Variants in MAML2 observed in about 807,000 individuals in gnomAD.
The protein encoded by MAML2 is mastermind-like protein 2.
In MAML2, 22 loss-of-function variants were observed where a neutral mutation model predicts 96.1. That is an observed-to-expected ratio of 0.23 (90% CI 0.16 to 0.33). The LOEUF (loss-of-function observed/expected upper bound fraction) is 0.33, where lower values mean the gene tolerates loss of function less well. Among genes scored for constraint, MAML2 ranks in the 10% least tolerant of loss-of-function variants. MAML2 has a pLI of 1.00. For synonymous variants in MAML2, 561 were observed against 521.3 expected (o/e 1.08, Z -1.04); for missense variants, 1,367 against 1,392.4 (o/e 0.98, Z 0.29).
chr11:96,077,219 C>CTTTTTTT lies in MAML2; in HGVS notation c.2139+14666_2139+14672dup, dbSNP rs371672772. On this transcript the variant is annotated intron_variant, in intron 2 of 4. Coordinates refer to ENST00000524717, the MANE Select transcript of MAML2 (RefSeq NM_032427.4). ...GACTTTTTACCCCAACTCTCTCTCT[C>CTTTTTTT]TTTTTTTTTTTTTTTTTTTTAAAGA... is the stretch of plus-strand genomic sequence containing the variant. Among the ~76,000 whole-genome samples, 456 of 94,086 alleles carry CTTTTTTT rather than the reference C, an allele frequency of 4.8e-3. 17 individuals carry two copies. The highest frequency in any genetic ancestry group is 6.1e-3 in the Non-Finnish European group (309 of 50,752). 61.7% of individuals were successfully genotyped at this position (94,086 alleles called of 152,430 possible).
At chr11:96,014,158 G>T (rs1858307769) in intron 2 of MAML2, among the ~76,000 whole-genome samples, 1 of 152,160 alleles carries the variant, frequency 6.6e-6, no homozygotes, top group South Asian at 2.1e-4. Flanking sequence ...CTGCGAGGGG[G>T]ACAAGGGAAT....
chr11:96,288,736 A>G (rs912021456), intron 1 of MAML2, among the ~76,000 whole-genome samples: 3 of 152,150 alleles, frequency 2.0e-5, no homozygotes, highest in Admixed American at 6.5e-5. Context: ...GCATTCAAAC[A>G]CTTGTGTATT....
chr11:96,281,976 G>C (rs373890174), intron 1 of MAML2, among the ~76,000 whole-genome samples: 2 of 152,112 alleles, frequency 1.3e-5, no homozygotes, highest in African/African-American at 4.8e-5. Flanking sequence ...TAGGCCAGGC[G>C]CGGTGGCTCA....
At chr11:96,115,007 C>T (rs1453527138) in intron 1 of MAML2, among the ~76,000 whole-genome samples, 1 of 152,148 alleles carries the variant, frequency 6.6e-6, no homozygotes, top group Non-Finnish European at 1.5e-5. Context: ...AAGTACGTTT[C>T]TGCTGAGGTT....
At chr11:96,028,433 C>T (rs1450405067) in intron 2 of MAML2, among the ~76,000 whole-genome samples, 1 of 152,186 alleles carries the variant, frequency 6.6e-6, no homozygotes, top group Non-Finnish European at 1.5e-5. Flanking sequence ...TAAGTGTCCC[C>T]TAATATTGTC....
In MAML2 at chr11:96,066,955, A is replaced by G. The variant is rs542692539; in HGVS notation, c.2139+24937T>C. Among the ~76,000 whole-genome samples, 15 of 152,278 alleles carry G rather than the reference A, an allele frequency of 9.9e-5. No homozygotes were observed. The East Asian group carries it at 2.7e-3, about 27-fold the overall frequency. ...AGGAGCGGCTGGAGGATAGAGAAAT[A>G]GAGAGAGCGGAGGGAGCTGTGGTAG... On this transcript the variant is annotated intron_variant, in intron 2 of 4. Coordinates refer to ENST00000524717, the MANE Select transcript of MAML2 (RefSeq NM_032427.4).
At chr11:96,238,329 G>GCAACA (rs1862391630) in intron 1 of MAML2, among the ~76,000 whole-genome samples, 3 of 152,210 alleles carry the variant, frequency 2.0e-5, no homozygotes, top group Admixed American at 2.0e-4. Context: ...GAGCCAAGGT[G>GCAACA]TATCTGTGTT....
At chr11:96,071,777 T>C (rs1355547634) in intron 2 of MAML2, among the ~76,000 whole-genome samples, 2 of 152,186 alleles carry the variant, frequency 1.3e-5, no homozygotes, top group Admixed American at 6.5e-5. Context: ...CCAAAGGCCT[T>C]CTTTTCTTTT....
chr11:95,989,057 C>T (rs1160098889), intron 3 of MAML2, among the ~76,000 whole-genome samples: 1 of 152,170 alleles, frequency 6.6e-6, no homozygotes, highest in Non-Finnish European at 1.5e-5. Context: ...GTACACAATG[C>T]GTGTTGGTAA....
chr11:96,220,357 T>G (rs1862116809), intron 1 of MAML2, among the ~76,000 whole-genome samples: 1 of 152,122 alleles, frequency 6.6e-6, no homozygotes, highest in Non-Finnish European at 1.5e-5. Context: ...AGCAGGAAAA[T>G]TTCAACTGCC....
At chr11:96,068,738 G>A (rs1859288186) in intron 2 of MAML2, among the ~76,000 whole-genome samples, 1 of 151,442 alleles carries the variant, frequency 6.6e-6, no homozygotes, top group South Asian at 2.1e-4. Context: ...GCTGAGGCAG[G>A]AGAATGGCGT....
At position 96,341,422 on chromosome 11, in the gene MAML2, A is replaced by G. The variant is rs1863990258; in HGVS notation, c.474T>C (p.Ala158=). 6.5e-7 allele frequency: 1 copy of G among 1,546,072 alleles called. No individual in the cohort carries two copies. Reference sequence around the variant, plus strand: ...AGTTCCTCTGGTCCCCTGGGGTTGAAGCGGGCGGCTGCTGCTCTCCGTTTA... The same window carrying G: ...AGTTCCTCTGGTCCCCTGGGGTTGAGGCGGGCGGCTGCTGCTCTCCGTTTA... The part of the protein sequence containing the change: ...GGINGEQQPP[A]STPGDQRNSA... The change falls in exon 1 of 5, where the codon GCT becomes GCC. Residue 158 remains alanine, a synonymous_variant. Coordinates refer to ENST00000524717, the MANE Select transcript of MAML2 (RefSeq NM_032427.4).
chr11:96,039,787 C>T (rs935282385), intron 2 of MAML2, among the ~76,000 whole-genome samples: 4 of 151,888 alleles, frequency 2.6e-5, no homozygotes, highest in African/African-American at 9.7e-5. Flanking sequence ...ACGGTGAAAC[C>T]CTGTCTCTCA....
intron 1 of MAML2, among the ~76,000 whole-genome samples, chr11:96,181,913 G>A (rs1017066756): frequency 2.6e-5 from 4 of 152,062 alleles, no homozygotes; most frequent in South Asian, 2.1e-4. Flanking sequence ...CTAATTCAGC[G>A]AAAATCTTCC....
chr11:96,295,273 G>A (rs532683316), intron 1 of MAML2, among the ~76,000 whole-genome samples: 2 of 152,070 alleles, frequency 1.3e-5, no homozygotes, highest in African/African-American at 2.4e-5. Flanking sequence ...AAAAACCACA[G>A]GCAAATAAAC....
chr11:96,159,299 T>TAAATCATC (rs1162577754), intron 1 of MAML2, among the ~76,000 whole-genome samples: 1 of 152,112 alleles, frequency 6.6e-6, no homozygotes, highest in Non-Finnish European at 1.5e-5. Context: ...TCAATGCCTT[T>TAAATCATC]AAATCATCAG....
intron 1 of MAML2, among the ~76,000 whole-genome samples, chr11:96,317,120 T>C (rs1565282193): frequency 6.6e-6 from 1 of 152,264 alleles, no homozygotes; most frequent in African/African-American, 2.4e-5. Flanking sequence ...TTGCATTCAC[T>C]GAAATGGTGC....
intron 2 of MAML2, among the ~76,000 whole-genome samples, chr11:96,076,165 G>A (rs981468729): frequency 3.9e-5 from 6 of 152,202 alleles, no homozygotes; most frequent in African/African-American, 1.4e-4. Flanking sequence ...TCATCAAGCT[G>A]AGTCTCACAG....
At chr11:96,269,559 C>T (rs190582076) in intron 1 of MAML2, among the ~76,000 whole-genome samples, 1 of 143,958 alleles carries the variant, frequency 6.9e-6, no homozygotes, top group South Asian at 2.2e-4. Flanking sequence ...TTGCCCAGCC[C>T]AGAGTGCAGT....
Sources: gnomAD v4.1 joint callset for allele counts (sites outside exome capture counted in the v4.1 genomes callset) on GRCh38, gnomAD v4.1.1 for gene constraint, MANE v1.5 for transcripts, NCBI Gene and HGNC (gene_info 2026-07-23, HGNC 2026-07-21) for gene names.